Variants in POLN observed in about 807,000 individuals in gnomAD.
The protein encoded by POLN is DNA polymerase nu, also known as DNA polymerase N.
In POLN, 108 loss-of-function variants were observed where a neutral mutation model predicts 113.5. That is an observed-to-expected ratio of 0.95 (90% CI 0.81 to 1.12). The LOEUF (loss-of-function observed/expected upper bound fraction) is 1.12, where lower values mean the gene tolerates loss of function less well. Among genes scored for constraint, POLN ranks in the 50% most tolerant of loss-of-function variants. The pLI, the probability that POLN is intolerant of heterozygous loss-of-function variation, is 0.00. For missense variants in POLN, 1,097 were observed against 1,077.1 expected (o/e 1.02, Z -0.26); for synonymous variants, 386 against 391.5 (o/e 0.99, Z 0.17).
At chr4:2,144,876 G>A (rs372545232) in intron 16 of POLN, among the ~76,000 whole-genome samples, 2 of 152,172 alleles carry the variant, frequency 1.3e-5, no homozygotes, top group African/African-American at 2.4e-5. Context: ...CGATGACCAC[G>A]TTAGGTAGTC....
intron 19 of POLN, among the ~76,000 whole-genome samples, chr4:2,101,814 G>A (rs568613861): frequency 3.3e-5 from 5 of 152,346 alleles, no homozygotes; most frequent in Non-Finnish European, 5.9e-5. Context: ...AGCCACCATC[G>A]TTGAAAGTAG....
At chr4:2,141,996 TC>T (rs942588470) in intron 16 of POLN, among the ~76,000 whole-genome samples, 2 of 152,106 alleles carry the variant, frequency 1.3e-5, no homozygotes, top group Non-Finnish European at 2.9e-5. Context: ...TCTCATGCTC[TC>T]CCCCTCAGCA....
intron 2 of POLN, among the ~76,000 whole-genome samples, chr4:2,239,404 A>C (rs2108780423): frequency 6.6e-6 from 1 of 152,350 alleles, no homozygotes; most frequent in East Asian, 1.9e-4. Context: ...CTAGTTGGCC[A>C]GTTGATTTTA....
chr4:2,193,946 C>T lies in POLN; in HGVS notation c.909-630G>A, dbSNP rs114131640. 4.1e-3 allele frequency among the ~76,000 whole-genome samples: 622 copies of T among 152,242 alleles called. 7 individuals are homozygous for T. Among genetic ancestry groups the T allele is most frequent in the African/African-American group, 0.014 (589 of 41,536 alleles). ...TTGCTGTATTATAATGTGCCTTGAACGTTTGTCTCTCCATTACACCATAAG... is the reference window on the plus strand; with the variant it reads ...TTGCTGTATTATAATGTGCCTTGAATGTTTGTCTCTCCATTACACCATAAG... On this transcript the variant is annotated intron_variant, in intron 6 of 25. Coordinates refer to ENST00000511885, the MANE Select transcript of POLN (RefSeq NM_181808.4).
intron 2 of POLN, chr4:2,230,777 G>A (rs1049024630): frequency 6.6e-6 from 1 of 151,782 alleles, no homozygotes; most frequent in Non-Finnish European, 1.5e-5. Context: ...AGCTCACATG[G>A]TATTTACCAC....
At chr4:2,240,022 C>CA in intron 2 of POLN, 1 of 1,595,778 alleles carries the variant, frequency 6.3e-7, no homozygotes, top group Non-Finnish European at 8.6e-7. Context: ...AATCCAATCT[C>CA]ATTTCTTATG....
At chr4:2,203,872 G>A (rs540764214) in intron 5 of POLN, among the ~76,000 whole-genome samples, 4 of 152,134 alleles carry the variant, frequency 2.6e-5, no homozygotes, top group South Asian at 2.1e-4. Context: ...CACTTTGGGC[G>A]GCAGAGGAGG....
rs560061710 is a variant in POLN, at chr4:2,075,669, G to C, written c.2388-150C>G. 265 of 786,272 alleles carry C rather than the reference G, an allele frequency of 3.4e-4. 5 individuals are homozygous for C. The highest frequency in any genetic ancestry group is 3.2e-3 in the South Asian group (191 of 59,884). The allele number at this position is 786,272 out of a possible 1,614,324, so 48.7% of individuals were successfully genotyped here. A position where few individuals can be genotyped will look rare whatever the true frequency, so the allele number is the denominator to read the frequency against. ...TGCAGAGGTGGGGGCCCATCCCCAA[G>C]GTTTCTGAAAGGTGGTTCTGGCACT... On this transcript the variant is annotated intron_variant, in intron 23 of 25. Coordinates refer to ENST00000511885, the MANE Select transcript of POLN (RefSeq NM_181808.4).
rs559256239 is a variant in POLN at position 2,085,868 on chromosome 4, C to T, written c.2066-124G>A. On this transcript the variant is annotated intron_variant, in intron 20 of 25. Transcript: ENST00000511885. ...TTCTGATGGGTTGGGATGGAGTTGG[C>T]GTTGACTTTACAAGCCAGGTGCTAG... 3.0e-5 allele frequency: 41 copies of T among 1,346,218 alleles called. No homozygotes were observed. In the East Asian group the frequency reaches 5.8e-4, roughly 19 times the overall value. 83.4% of individuals were successfully genotyped at this position (1,346,218 alleles called of 1,614,324 possible). A position where few individuals can be genotyped will look rare whatever the true frequency, so the allele number is the denominator to read the frequency against.
rs539330503 is a variant in POLN, at chr4:2,108,345, A to G, written c.1983-12412T>C. On this transcript the variant is annotated intron_variant, in intron 19 of 25. Transcript: ENST00000511885. ...GCCCCAGGCCTCAGTTTCCTAATCC[A>G]TAAGATAGGGACAATAGCAGCATCC... Among the ~76,000 whole-genome samples, 17 of 152,296 alleles carry G rather than the reference A, an allele frequency of 1.1e-4. No individual in the cohort carries two copies. In the East Asian group the frequency reaches 3.1e-3, roughly 28 times the overall value.
chr4:2,165,325 G>A (rs541304361), intron 13 of POLN, among the ~76,000 whole-genome samples: 25 of 152,136 alleles, frequency 1.6e-4, no homozygotes, highest in Non-Finnish European at 3.5e-4. Flanking sequence ...AAGTCAATCC[G>A]AAAAGGCTAC....
chr4:2,241,943 C>T, intron 1 of POLN, 108 bp downstream of exon 1: 1 of 985,500 alleles, frequency 1.0e-6, no homozygotes, highest in Non-Finnish European at 1.2e-6. Context: ...CTGGAAGGAG[C>T]CCCCAGGAGC....
chr4:2,167,509 T>C (rs183154107), intron 13 of POLN, among the ~76,000 whole-genome samples: 1 of 152,310 alleles, frequency 6.6e-6, no homozygotes, highest in East Asian at 1.9e-4. Context: ...AGGGGACATG[T>C]GTTCTTCAGC....
intron 19 of POLN, among the ~76,000 whole-genome samples, chr4:2,112,119 AAAAC>A (rs1731209404): frequency 6.6e-6 from 1 of 152,228 alleles, no homozygotes; most frequent in Non-Finnish European, 1.5e-5. Flanking sequence ...AAACCTGACA[AAAAC>A]AAGCAATGGG....
chr4:2,229,048 A>G, intron 3 of POLN, 51 bp downstream of exon 3: 1 of 1,511,958 alleles, frequency 6.6e-7, no homozygotes, highest in South Asian at 1.2e-5. Context: ...TCTTTAGAAC[A>G]ATTAACATTC....
chr4:2,072,913 G>T, intron 25 of POLN, 55 bp downstream of exon 25: 1 of 1,581,554 alleles, frequency 6.3e-7, no homozygotes, highest in Non-Finnish European at 8.7e-7. Context: ...TGGGGGTGCT[G>T]GCCTCCCCTC....
chr4:2,100,749 TC>T (rs1730903127), intron 19 of POLN, among the ~76,000 whole-genome samples: 1 of 152,062 alleles, frequency 6.6e-6, no homozygotes, highest in South Asian at 2.1e-4. Flanking sequence ...AATAGATAAA[TC>T]AGGGGAAGCA....
chr4:2,124,704 G>A (rs538958721), intron 19 of POLN, among the ~76,000 whole-genome samples: 10 of 152,240 alleles, frequency 6.6e-5, no homozygotes, highest in South Asian at 2.1e-4. Flanking sequence ...AGAAAGCACC[G>A]GGACAGGCAG....
chr4:2,099,732 T>C (rs1408899910), intron 19 of POLN, among the ~76,000 whole-genome samples: 4 of 152,228 alleles, frequency 2.6e-5, no homozygotes, highest in African/African-American at 9.7e-5. Flanking sequence ...AAATGTACCA[T>C]ATTAATGGAA....
Sources: gnomAD v4.1 joint callset for allele counts (sites outside exome capture counted in the v4.1 genomes callset) on GRCh38, gnomAD v4.1.1 for gene constraint, MANE v1.5 for transcripts, NCBI Gene and HGNC (gene_info 2026-07-23, HGNC 2026-07-21) for gene names.